The following BTD variants were observed in gnomAD, a reference collection of about 807,000 sequenced individuals.
The protein encoded by BTD is biocytinase.
In BTD, 13 loss-of-function variants were observed where a neutral mutation model predicts 17.7. The ratio of observed to expected loss-of-function variants is 0.74; its 90% confidence interval spans 0.48 to 1.17. The LOEUF (loss-of-function observed/expected upper bound fraction) is 1.17, where lower values mean the gene tolerates loss of function less well. Ranked by LOEUF, BTD falls within the 50% of genes most tolerant of loss-of-function variation. BTD has a pLI of 0.00. For missense variants in BTD, 674 were observed against 650.4 expected (o/e 1.04, Z -0.39); for synonymous variants, 240 against 245.2 (o/e 0.98, Z 0.20).
At chr3:15,686,916 C>A (rs1457123890) in intron 3 of BTD, among the ~76,000 whole-genome samples, 1 of 151,496 alleles carries the variant, frequency 6.6e-6, no homozygotes, top group Non-Finnish European at 1.5e-5. Context: ...TAGAATCAAC[C>A]AACCCTGGAA....
intron 3 of BTD, among the ~76,000 whole-genome samples, chr3:15,708,919 A>G (rs1157144822): frequency 6.6e-6 from 1 of 152,192 alleles, no homozygotes; most frequent in East Asian, 1.9e-4. Context: ...TTTGCTATGT[A>G]TAATTCTCAA....
intron 1 of BTD, among the ~76,000 whole-genome samples, chr3:15,610,380 C>T (rs2064582307): frequency 1.3e-5 from 2 of 152,146 alleles, no homozygotes; most frequent in Admixed American, 1.3e-4. Context: ...ATCTCATTAG[C>T]CAAAGCAAGT....
At chr3:15,643,039 A>AAT (rs1553653324) in intron 3 of BTD, among the ~76,000 whole-genome samples, 11 of 116,406 alleles carry the variant, frequency 9.4e-5, no homozygotes, top group African/African-American at 3.7e-4. Flanking sequence ...AAAAAAAAAA[A>AAT]AAAAATAAAA....
Position 15,644,272 on chromosome 3 carries a change from T to C in BTD, c.400-44T>C, listed in dbSNP as rs377588030. 3.2e-6 allele frequency: 5 copies of C among 1,581,630 alleles called. No homozygotes were observed. In the African/African-American group the frequency reaches 6.7e-5, roughly 21 times the overall value. On this transcript the variant is annotated intron_variant, in intron 3 of 3. Coordinates refer to ENST00000643237, the MANE Select transcript of BTD (RefSeq NM_001370658.1). ...GCCTCAGCCTCCCACAGTGCTGGGA[T>C]TACAGGCAAAAACCTCATTTATTTA...
intron 1 of BTD, among the ~76,000 whole-genome samples, chr3:15,602,817 C>T (rs2064311778): frequency 6.6e-6 from 1 of 152,044 alleles, no homozygotes; most frequent in African/African-American, 2.4e-5. Context: ...GAAGTGGTTG[C>T]CTCCCTGCAT....
chr3:15,605,674 A>C (rs191041114), intron 1 of BTD, among the ~76,000 whole-genome samples: 8 of 152,328 alleles, frequency 5.3e-5, no homozygotes, highest in African/African-American at 1.9e-4. Flanking sequence ...ATATATATAT[A>C]TCTATGAAAT....
In BTD at chr3:15,635,833, G is replaced by C. The variant is rs909153530; in HGVS notation, c.249+145G>C. 3 of 1,175,538 alleles carry C rather than the reference G, an allele frequency of 2.6e-6. No homozygotes were observed. The African/African-American group carries it at 4.5e-5, about 18-fold the overall frequency. The allele number at this position is 1,175,538 out of a possible 1,614,324, so 72.8% of individuals were successfully genotyped here. A position where few individuals can be genotyped will look rare whatever the true frequency, so the allele number is the denominator to read the frequency against. On this transcript the variant is annotated intron_variant, in intron 2 of 3. Transcript: ENST00000643237. The surrounding 1 kb of genome is among the most constrained non-coding windows in gnomAD (Gnocchi z 4.1). ...TTAACCTGAGTTGAGTTAGTCAGTTGAATTAGGAGCCTTACCCCTCAGAGA... is the reference window on the plus strand; with the variant it reads ...TTAACCTGAGTTGAGTTAGTCAGTTCAATTAGGAGCCTTACCCCTCAGAGA...
At position 15,639,981 on chromosome 3, in the gene BTD, G is replaced by A. The variant is rs547596231; in HGVS notation, c.250-1927G>A. 3.9e-5 allele frequency among the ~76,000 whole-genome samples: 6 copies of A among 152,228 alleles called. No individual in the cohort carries two copies. In the South Asian group the frequency reaches 1.2e-3, roughly 32 times the overall value. ...TAGCCAGGTGTGGTGGCGCATGTCT[G>A]TAATCCCAGCTACTCAGGAGGCTGA... On this transcript the variant is annotated intron_variant, in intron 2 of 3. Coordinates refer to ENST00000643237, the MANE Select transcript of BTD (RefSeq NM_001370658.1).
At chr3:15,622,291 GA>G (rs2064970150) in intron 1 of BTD, among the ~76,000 whole-genome samples, 1 of 152,076 alleles carries the variant, frequency 6.6e-6, no homozygotes, top group Admixed American at 6.5e-5. Context: ...TTTCTCTTGA[GA>G]TTTCTTTTCT....
chr3:15,696,197 A>G (rs1220336943), intron 3 of BTD: 1 of 1,593,446 alleles, frequency 6.3e-7, no homozygotes, highest in Admixed American at 1.7e-5. Context: ...ATCCTTGCTT[A>G]TCACGGATCC....
At chr3:15,721,854 C>T (rs1457093547) in exon 5 of BTD, among the ~76,000 whole-genome samples, 1 of 152,106 alleles carries the variant, frequency 6.6e-6, no homozygotes, top group African/African-American at 2.4e-5. Flanking sequence ...AAGTGATTCT[C>T]CTGCCTCAGC....
At chr3:15,603,253 C>A (rs1468284363) in intron 1 of BTD, among the ~76,000 whole-genome samples, 1 of 152,186 alleles carries the variant, frequency 6.6e-6, no homozygotes, top group African/African-American at 2.4e-5. Flanking sequence ...CATGCCTTCC[C>A]AACAGTCCCC....
chr3:15,670,264 A>G (rs780891659), intron 3 of BTD: 9 of 1,610,036 alleles, frequency 5.6e-6, no homozygotes, highest in Admixed American at 3.3e-5. Flanking sequence ...CCTCCTCCTC[A>G]GCCTCTCAGT....
chr3:15,634,060 C>T (rs1332042729), intron 1 of BTD, among the ~76,000 whole-genome samples: 3 of 152,170 alleles, frequency 2.0e-5, no homozygotes, highest in Non-Finnish European at 2.9e-5. Context: ...TGAGATGGAA[C>T]CGGGTTGGGG....
chr3:15,637,850 A>G (rs6807875), intron 2 of BTD, among the ~76,000 whole-genome samples: 3,804 of 152,310 alleles, frequency 0.025, 155 homozygotes, highest in African/African-American at 0.083. Flanking sequence ...TCACCTTTCA[A>G]TAATCTGCCC....
downstream of BTD, among the ~76,000 whole-genome samples, chr3:15,657,486 A>G (rs979332826): frequency 4.3e-5 from 5 of 115,544 alleles, no homozygotes; most frequent in Admixed American, 4.0e-4. Context: ...AACTGGCTCA[A>G]TGCCCCCCAG....
Position 15,645,265 on chromosome 3 carries a change from C to A in BTD, c.1349C>A (p.Thr450Asn). The A allele has an allele frequency of 2.5e-6, 4 of 1,614,188 alleles. No homozygotes were observed. The highest frequency in any genetic ancestry group is 3.4e-6 in the Non-Finnish European group (4 of 1,180,028). ...AGGTGTGGGGGTCTTGGCTTCGACA[C>A]CTGTGGACAGGAAATCACAGAGGCC... ...LVRCGGLGFD[T>N]CGQEITEATG... The change falls in exon 4 of 4, where the codon ACC becomes AAC. Residue 450 changes from threonine (T) to asparagine (N), a missense_variant. Transcript: ENST00000643237.
intron 1 of BTD, among the ~76,000 whole-genome samples, chr3:15,604,283 C>T (rs1327567846): frequency 3.3e-5 from 5 of 152,250 alleles, no homozygotes; most frequent in Admixed American, 3.3e-4. Context: ...TGTGCACCTG[C>T]AGGCTCAACA....
chr3:15,648,973 C>T lies in BTD; in HGVS notation c.*3485C>T, dbSNP rs13315801. 0.025 allele frequency among the ~76,000 whole-genome samples: 3,764 copies of T among 152,328 alleles called. 162 individuals are homozygous for T. Among genetic ancestry groups the T allele is most frequent in the African/African-American group, 0.083 (3,449 of 41,548 alleles). Reference sequence around the variant, plus strand: ...AAGAGGCAAGAAACAACTCCCCACACACAACCCACCCCTGCAGGTTTCAGA... The same window carrying T: ...AAGAGGCAAGAAACAACTCCCCACATACAACCCACCCCTGCAGGTTTCAGA... On this transcript the variant is annotated 3_prime_UTR_variant, in exon 4 of 4. Transcript: ENST00000643237.
Sources: allele counts gnomAD v4.1 joint callset (sites outside exome capture counted in the v4.1 genomes callset), GRCh38; gene constraint gnomAD v4.1.1; non-coding constraint Gnocchi (gnomAD v3.1); transcripts MANE v1.5; gene names NCBI Gene and HGNC (gene_info 2026-07-23, HGNC 2026-07-21).